DENND2A: variants seen among roughly 807,000 people sequenced by gnomAD.
The protein encoded by DENND2A is DENN domain containing 2A, also known as DENN domain-containing protein 2A.
In DENND2A, 53 loss-of-function variants were observed where a neutral mutation model predicts 105.3. The ratio of observed to expected loss-of-function variants is 0.50; its 90% CI spans 0.40 to 0.63. The LOEUF is 0.63. DENND2A is among the 30% of genes least tolerant of loss of function. The pLI is 0.00. For missense variants in DENND2A, 1,138 were observed against 1,279.6 expected (o/e 0.89, Z 1.69); for synonymous variants, 522 against 508.4 (o/e 1.03, Z -0.36).
chr7:140,579,852 C>T (rs894916941), intron 5 of DENND2A, among the ~76,000 whole-genome samples: 1 of 152,118 alleles, frequency 6.6e-6, no homozygotes, highest in African/African-American at 2.4e-5. Flanking sequence ...TCAATCTGGG[C>T]CAGGCGAGGT....
At position 140,559,203 on chromosome 7, in the gene DENND2A, G is replaced by A. The variant is rs537209176; in HGVS notation, c.1889+505C>T. Among the ~76,000 whole-genome samples the A allele has an allele frequency of 7.9e-5, 12 of 152,292 alleles. No individual in the cohort carries two copies. In the South Asian group the frequency reaches 2.3e-3, roughly 29 times the overall value. ...GGCATGGTCTGTACAGGGCAGCCCCGGGGCTTGGACGGTCCTTAAAGACTG... is the reference window on the plus strand; with the variant it reads ...GGCATGGTCTGTACAGGGCAGCCCCAGGGCTTGGACGGTCCTTAAAGACTG... On this transcript the variant is annotated intron_variant, in intron 10 of 19. Transcript: ENST00000496613. This position sits in a 1 kb window ranked among gnomAD's most constrained non-coding sequence, Gnocchi z 4.1.
chr7:140,612,065 C>T (rs1799919377), intron 1 of DENND2A, among the ~76,000 whole-genome samples: 1 of 151,946 alleles, frequency 6.6e-6, no homozygotes, highest in Non-Finnish European at 1.5e-5. Flanking sequence ...AATGGTGAAA[C>T]CCCGTCTCTA....
intron 7 of DENND2A, among the ~76,000 whole-genome samples, chr7:140,569,032 C>G (rs1194789654): frequency 6.6e-6 from 1 of 151,982 alleles, no homozygotes; most frequent in East Asian, 1.9e-4. Context: ...TCCAGTGATT[C>G]TCCTGCCTTA....
chr7:140,592,935 G>T (rs1338146226), intron 3 of DENND2A, among the ~76,000 whole-genome samples: 1 of 152,148 alleles, frequency 6.6e-6, no homozygotes, highest in African/African-American at 2.4e-5. Flanking sequence ...CTACATAAAT[G>T]TCAGGGACAT....
At chr7:140,561,102 C>T (rs1563142079) in intron 9 of DENND2A, among the ~76,000 whole-genome samples, 1 of 151,454 alleles carries the variant, frequency 6.6e-6, no homozygotes, top group Non-Finnish European at 1.5e-5. Context: ...ACTTGAATTC[C>T]TGGGCTCAAG....
intron 16 of DENND2A, among the ~76,000 whole-genome samples, chr7:140,524,306 A>G (rs1430823204): frequency 6.6e-6 from 1 of 152,244 alleles, no homozygotes; most frequent in Non-Finnish European, 1.5e-5. Context: ...GCAAAATCTG[A>G]TAGAAGTTAG....
intron 16 of DENND2A, among the ~76,000 whole-genome samples, chr7:140,524,541 C>A (rs747603739): frequency 8.5e-5 from 13 of 152,210 alleles, no homozygotes; most frequent in Middle Eastern, 6.8e-3. Flanking sequence ...CACACACGCA[C>A]ACACGTATAT....
chr7:140,564,575 T>G (rs1227309487), intron 9 of DENND2A, among the ~76,000 whole-genome samples: 1 of 152,208 alleles, frequency 6.6e-6, no homozygotes, highest in Non-Finnish European at 1.5e-5. Flanking sequence ...ATGTTAACAG[T>G]GACGGTCTCT....
intron 17 of DENND2A, 63 bp from the exon 18 acceptor site, chr7:140,522,163 G>A (rs1795884541): frequency 1.3e-6 from 2 of 1,584,866 alleles, no homozygotes; most frequent in African/African-American, 1.3e-5. Flanking sequence ...GAGCCCTTGA[G>A]ACAAGCCAAT....
chr7:140,586,369 ACACAC>A (rs1798782243), intron 4 of DENND2A, among the ~76,000 whole-genome samples: 1 of 38,500 alleles, frequency 2.6e-5, no homozygotes, highest in African/African-American at 2.2e-4. Flanking sequence ...AAAAGAAAAC[ACACAC>A]ACACACACAC....
intron 12 of DENND2A, among the ~76,000 whole-genome samples, chr7:140,555,302 T>A (rs1359076761): frequency 6.6e-6 from 1 of 150,572 alleles, no homozygotes; most frequent in African/African-American, 2.4e-5. Flanking sequence ...CCTGGCTAAT[T>A]TTTTTTTTGT....
At chr7:140,555,764 A>G in intron 11 of DENND2A, 51 bp from the exon 12 acceptor site, 1 of 1,504,106 alleles carries the variant, frequency 6.6e-7, no homozygotes, top group Admixed American at 2.2e-5. Flanking sequence ...ACCTCAGGGA[A>G]GAAAGGAACC....
intron 1 of DENND2A, among the ~76,000 whole-genome samples, chr7:140,635,190 G>A (rs1800879285): frequency 6.6e-6 from 1 of 152,006 alleles, no homozygotes; most frequent in Admixed American, 6.6e-5. Context: ...TTGAGCCCAG[G>A]AGGTAGAAGC....
At chr7:140,572,968 T>A (rs540812731) in intron 6 of DENND2A, among the ~76,000 whole-genome samples, 7 of 152,156 alleles carry the variant, frequency 4.6e-5, no homozygotes, top group African/African-American at 1.7e-4. Context: ...GAAGAAACAT[T>A]ATCAGCAGCG....
At chr7:140,606,090 G>T (rs1234134703) in intron 1 of DENND2A, among the ~76,000 whole-genome samples, 1 of 152,150 alleles carries the variant, frequency 6.6e-6, no homozygotes, top group African/African-American at 2.4e-5. Context: ...GCCCAGGCTG[G>T]AATGCAGTGG....
intron 3 of DENND2A, among the ~76,000 whole-genome samples, chr7:140,592,906 C>T (rs1021827157): frequency 6.6e-6 from 1 of 152,110 alleles, no homozygotes; most frequent in Non-Finnish European, 1.5e-5. Flanking sequence ...CCCGGACCAC[C>T]TAGCATTATT....
chr7:140,521,600 G>T (rs910792698), intron 18 of DENND2A, among the ~76,000 whole-genome samples: 4 of 152,198 alleles, frequency 2.6e-5, no homozygotes, highest in African/African-American at 9.7e-5. Flanking sequence ...CATCAATTTG[G>T]AAAGAATGGG....
chr7:140,572,330 A>G (rs952591466), intron 6 of DENND2A, among the ~76,000 whole-genome samples: 2 of 151,982 alleles, frequency 1.3e-5, no homozygotes, highest in African/African-American at 4.8e-5. Flanking sequence ...TTTCAGGTCA[A>G]TGGGTCACTC....
chr7:140,625,497 T>C (rs1272701847), intron 1 of DENND2A, among the ~76,000 whole-genome samples: 2 of 152,092 alleles, frequency 1.3e-5, no homozygotes, highest in African/African-American at 4.8e-5. Context: ...CTGGCCAACA[T>C]GGTGAAACCC....
Sources: gnomAD v4.1 joint callset for allele counts (sites outside exome capture counted in the v4.1 genomes callset) on GRCh38, gnomAD v4.1.1 for gene constraint, Gnocchi (gnomAD v3.1) non-coding constraint, MANE v1.5 for transcripts, NCBI Gene and HGNC (gene_info 2026-07-23, HGNC 2026-07-21) for gene names.